Variants in TDRD3 observed in about 807,000 individuals in gnomAD.
The protein encoded by TDRD3 is tudor domain-containing protein 3.
In TDRD3, 45 loss-of-function variants were observed where a neutral mutation model predicts 86.7. The observed-to-expected ratio is 0.52, with a 90% CI of 0.41 to 0.67. TDRD3 has a LOEUF of 0.67. Ranked by LOEUF, TDRD3 falls within the 30% of genes least tolerant of loss-of-function variation. TDRD3 has a pLI of 0.00. For synonymous variants in TDRD3, 298 were observed against 301.7 expected (o/e 0.99, Z 0.13); for missense variants, 814 against 889.0 (o/e 0.92, Z 1.07).
chr13:60,418,750 C>T (rs1954584422), intron 1 of TDRD3, among the ~76,000 whole-genome samples: 1 of 152,086 alleles, frequency 6.6e-6, no homozygotes, highest in Non-Finnish European at 1.5e-5. Context: ...CCTTCTGTGC[C>T]CACAGATAGT....
intron 12 of TDRD3, among the ~76,000 whole-genome samples, chr13:60,555,848 CTTTCTTT>C (rs1958171003): frequency 7.3e-6 from 1 of 136,138 alleles, no homozygotes; most frequent in Non-Finnish European, 1.6e-5. Flanking sequence ...CAACCTATTT[CTTTCTTT>C]TTTTTTTTTT....
At position 60,397,274 on chromosome 13, in the gene TDRD3, T is replaced by G. The variant is rs1953942009; in HGVS notation, c.-91T>G. On this transcript the variant is annotated 5_prime_UTR_variant, in exon 1 of 14. Transcript: ENST00000377881. ...AGAGGAGTTTTTTCTTTTCTTTTCT[T>G]TTTTTTTTTTTAAGGGGGGGGGTCT... 3.6e-6 allele frequency: 2 copies of G among 549,034 alleles called. No individual in the cohort carries two copies. The highest frequency in any genetic ancestry group is 3.8e-5 in the South Asian group (1 of 26,130). The allele number at this position is 549,034 out of a possible 1,614,324, so 34.0% of individuals were successfully genotyped here.
intron 12 of TDRD3, among the ~76,000 whole-genome samples, chr13:60,544,780 CA>C (rs1957900811): frequency 6.6e-6 from 1 of 152,100 alleles, no homozygotes. Flanking sequence ...TATCAAACTC[CA>C]GAGCTCACTT....
chr13:60,477,426 G>A (rs905991364), intron 5 of TDRD3, among the ~76,000 whole-genome samples: 1 of 152,008 alleles, frequency 6.6e-6, no homozygotes, highest in African/African-American at 2.4e-5. Context: ...TGTTGCCCAA[G>A]CTGGTCTCAA....
At chr13:60,477,615 A>G (rs752163783) in intron 5 of TDRD3, among the ~76,000 whole-genome samples, 9 of 152,188 alleles carry the variant, frequency 5.9e-5, no homozygotes, top group Non-Finnish European at 1.2e-4. Flanking sequence ...CCTTTTCTGC[A>G]TCTATTAAGA....
In TDRD3 at chr13:60,565,069, T is replaced by G. The variant is rs1015396898; in HGVS notation, c.2119-2456T>G. 9.3e-4 allele frequency among the ~76,000 whole-genome samples: 93 copies of G among 100,276 alleles called. 1 individual carries two copies. Among genetic ancestry groups the G allele is most frequent in the African/African-American group, 3.1e-3 (89 of 28,960 alleles). The allele number at this position is 100,276 out of a possible 152,430, so 65.8% of individuals were successfully genotyped here. ...TTTTTTTTTTTTTTTTTTTTTTTTT[T>G]TTTTGAGACGGAGTCTCGCTCTGTC... On this transcript the variant is annotated intron_variant, in intron 12 of 13. Transcript: ENST00000377881.
chr13:60,479,030 C>T (rs1409996813), intron 5 of TDRD3, among the ~76,000 whole-genome samples: 1 of 151,884 alleles, frequency 6.6e-6, no homozygotes, highest in African/African-American at 2.4e-5. Context: ...TGGTCTTGAA[C>T]TCCTGACCTC....
At chr13:60,429,529 T>C (rs1348026856) in intron 1 of TDRD3, among the ~76,000 whole-genome samples, 2 of 152,204 alleles carry the variant, frequency 1.3e-5, no homozygotes, top group African/African-American at 4.8e-5. Flanking sequence ...TAGCAGTTCA[T>C]TTTGCATTAG....
At chr13:60,438,775 G>A (rs1407105590) in intron 1 of TDRD3, among the ~76,000 whole-genome samples, 1 of 152,066 alleles carries the variant, frequency 6.6e-6, no homozygotes, top group Non-Finnish European at 1.5e-5. Flanking sequence ...AAATGAGCTT[G>A]AGTTAGATCT....
intron 1 of TDRD3, among the ~76,000 whole-genome samples, chr13:60,428,702 C>G (rs1035511328): frequency 6.6e-6 from 1 of 152,126 alleles, no homozygotes; most frequent in East Asian, 1.9e-4. Context: ...CCTCGTGCAT[C>G]CTGAGACAAA....
intron 1 of TDRD3, among the ~76,000 whole-genome samples, chr13:60,439,070 G>A (rs796989882): frequency 1.8e-4 from 28 of 151,800 alleles, no homozygotes; most frequent in African/African-American, 6.3e-4. Context: ...TGGCTGATTT[G>A]GACTGGATAA....
chr13:60,460,000 C>T (rs1955771102), intron 3 of TDRD3, among the ~76,000 whole-genome samples: 1 of 152,050 alleles, frequency 6.6e-6, no homozygotes, highest in South Asian at 2.1e-4. Flanking sequence ...TCAAGGTGTC[C>T]CTTAATGTAA....
At chr13:60,460,615 T>C in intron 4 of TDRD3, 75 bp downstream of exon 4, 1 of 1,375,842 alleles carries the variant, frequency 7.3e-7, no homozygotes, top group Non-Finnish European at 9.6e-7. Flanking sequence ...CTTAAGAATT[T>C]TGAAAAGTAG....
intron 12 of TDRD3, among the ~76,000 whole-genome samples, chr13:60,559,599 G>A (rs1487835883): frequency 2.0e-5 from 3 of 152,112 alleles, no homozygotes; most frequent in African/African-American, 7.2e-5. Context: ...ATTAACCATA[G>A]AACTTGGAGG....
At chr13:60,490,946 C>CAT (rs201145600) in intron 7 of TDRD3, among the ~76,000 whole-genome samples, 5,003 of 151,932 alleles carry the variant, frequency 0.033, 346 homozygotes, top group East Asian at 0.25. Context: ...GGAGAAACCC[C>CAT]GTCTCTACTA....
chr13:60,419,923 T>C (rs1255710989), intron 1 of TDRD3, among the ~76,000 whole-genome samples: 1 of 152,156 alleles, frequency 6.6e-6, no homozygotes, highest in African/African-American at 2.4e-5. Flanking sequence ...AAAAATTATT[T>C]TTAATGTTTT....
rs187240655 is a variant in TDRD3 at position 60,435,895 on chromosome 13, A to G, written c.42-3793A>G. Reference sequence around the variant, plus strand: ...ATTTACATTTCTGCCAGCAGTGTAAACCACATCATGACAACATCTATGGTT... The same window carrying G: ...ATTTACATTTCTGCCAGCAGTGTAAGCCACATCATGACAACATCTATGGTT... On this transcript the variant is annotated intron_variant, in intron 1 of 13. Coordinates refer to ENST00000377881, the MANE Select transcript of TDRD3 (RefSeq NM_001146070.2). Among the ~76,000 whole-genome samples, 356 of 133,128 alleles carry G rather than the reference A, an allele frequency of 2.7e-3. 2 individuals carry two copies. Among genetic ancestry groups the G allele is most frequent in the African/African-American group, 8.3e-3 (326 of 39,434 alleles). 87.3% of individuals were successfully genotyped at this position (133,128 alleles called of 152,430 possible). A position where few individuals can be genotyped will look rare whatever the true frequency, so the allele number is the denominator to read the frequency against.
intron 12 of TDRD3, among the ~76,000 whole-genome samples, chr13:60,563,088 C>G (rs113013821): frequency 4.1e-4 from 62 of 152,060 alleles, no homozygotes; most frequent in Middle Eastern, 6.8e-3. Flanking sequence ...ATTAGCTAGG[C>G]ATGATGGCTG....
chr13:60,570,660 G>A (rs1205881317), intron 13 of TDRD3, among the ~76,000 whole-genome samples: 2 of 152,178 alleles, frequency 1.3e-5, no homozygotes, highest in Non-Finnish European at 2.9e-5. Flanking sequence ...CCTCATTGCT[G>A]GAAGGCAGCC....
Sources: allele counts gnomAD v4.1 joint callset (sites outside exome capture counted in the v4.1 genomes callset), GRCh38; gene constraint gnomAD v4.1.1; transcripts MANE v1.5; gene names NCBI Gene and HGNC (gene_info 2026-07-23, HGNC 2026-07-21).